Variants in LRRD1 observed in about 807,000 individuals in gnomAD.
The protein encoded by LRRD1 is leucine-rich repeat and death domain-containing protein 1.
LRRD1 carries 49 observed loss-of-function variants against 69.5 expected under a neutral mutation model. That is an observed-to-expected ratio of 0.70 (90% CI 0.56 to 0.89). The LOEUF (loss-of-function observed/expected upper bound fraction) is 0.89, where lower values mean the gene tolerates loss of function less well. Ranked by LOEUF, LRRD1 falls within the 40% of genes least tolerant of loss-of-function variation. LRRD1 has a pLI of 0.00. For synonymous variants in LRRD1, 303 were observed against 338.9 expected (o/e 0.89, Z 1.16); for missense variants, 853 against 956.0 (o/e 0.89, Z 1.42).
chr7:92,159,858 C>T (rs571351852), intron 2 of LRRD1, among the ~76,000 whole-genome samples: 7 of 152,114 alleles, frequency 4.6e-5, no homozygotes, highest in South Asian at 2.1e-4. Flanking sequence ...TGACATCAGG[C>T]GATCCTCCCA....
downstream of LRRD1, among the ~76,000 whole-genome samples, chr7:92,143,569 G>T (rs1364938226): frequency 1.3e-5 from 2 of 152,192 alleles, no homozygotes; most frequent in Non-Finnish European, 2.9e-5. Context: ...GCTGGCCCAG[G>T]TGCTAAGCCC....
rs186008405 is a variant in LRRD1, at chr7:92,169,973, G to C, written c.-74-4697C>G. 3.0e-3 allele frequency among the ~76,000 whole-genome samples: 449 copies of C among 152,144 alleles called. 4 individuals are homozygous for C. The highest frequency in any genetic ancestry group is 0.01 in the African/African-American group (427 of 41,482). ...TGGCCCCAGCCACTTGGAAGGCTGA[G>C]GTGGGAGAATCACTTGAGCCCAGGA... is the stretch of plus-strand genomic sequence containing the variant. On this transcript the variant is annotated intron_variant, in intron 1 of 5. Coordinates refer to ENST00000458448, the MANE Select transcript of LRRD1 (RefSeq NM_001161528.2).
At chr7:92,165,600 C>T (rs1475318961) in intron 1 of LRRD1, among the ~76,000 whole-genome samples, 4 of 152,084 alleles carry the variant, frequency 2.6e-5, no homozygotes, top group African/African-American at 9.7e-5. Context: ...GTGGCTCACA[C>T]CTGTAATCCC....
intron 3 of LRRD1, among the ~76,000 whole-genome samples, chr7:92,157,005 T>C (rs1000138814): frequency 6.6e-6 from 1 of 151,022 alleles, no homozygotes; most frequent in African/African-American, 2.4e-5. Context: ...TGAATGGAAA[T>C]TGTATTTTTT....
chr7:92,169,528 G>A (rs920886625), intron 1 of LRRD1, among the ~76,000 whole-genome samples: 10 of 151,838 alleles, frequency 6.6e-5, no homozygotes. Context: ...GTGGGTGCCT[G>A]TAATCCCAGC....
At position 92,151,751 on chromosome 7, in the gene LRRD1, C is replaced by A. The variant is rs573698222; in HGVS notation, c.2117-1056G>T. On this transcript the variant is annotated intron_variant, in intron 3 of 5. Transcript: ENST00000458448. ...ATCACCTGAGGTCAGGGGTTCAAGA[C>A]CAGCCTGGCCAACATGGCAAAACCC... Among the ~76,000 whole-genome samples, 9 of 152,140 alleles carry A rather than the reference C, an allele frequency of 5.9e-5. No individual in the cohort carries two copies. The East Asian group carries it at 1.5e-3, about 26-fold the overall frequency.
chr7:92,163,219 C>CA, intron 2 of LRRD1, 67 bp downstream of exon 2: 2 of 1,075,700 alleles, frequency 1.9e-6, no homozygotes, highest in Non-Finnish European at 2.5e-6. Flanking sequence ...ACAGATACAC[C>CA]ACAGCTTGGA....
At chr7:92,156,806 C>T (rs992533121) in intron 3 of LRRD1, among the ~76,000 whole-genome samples, 3 of 152,048 alleles carry the variant, frequency 2.0e-5, no homozygotes, top group Non-Finnish European at 4.4e-5. Context: ...CCAGTTATAA[C>T]GTCAAAAAGA....
chr7:92,155,968 T>C (rs1788650194), intron 3 of LRRD1, among the ~76,000 whole-genome samples: 1 of 152,214 alleles, frequency 6.6e-6, no homozygotes, highest in Admixed American at 6.5e-5. Flanking sequence ...GGCAGCTGAT[T>C]AGATTGTGCC....
At chr7:92,150,970 T>G (rs1490663162) in intron 3 of LRRD1, among the ~76,000 whole-genome samples, 1 of 152,250 alleles carries the variant, frequency 6.6e-6, no homozygotes, top group Non-Finnish European at 1.5e-5. Context: ...TGATGGTAAT[T>G]TTTAAACTAA....
At chr7:92,158,827 G>A (rs1454196060) in intron 3 of LRRD1, among the ~76,000 whole-genome samples, 178 bp downstream of exon 3, 1 of 152,144 alleles carries the variant, frequency 6.6e-6, no homozygotes, top group African/African-American at 2.4e-5. Flanking sequence ...TTCAAGGCAG[G>A]AACTGGACCT....
At chr7:92,143,130 T>C (rs891460017), downstream of LRRD1, among the ~76,000 whole-genome samples, 1 of 152,142 alleles carries the variant, frequency 6.6e-6, no homozygotes, top group African/African-American at 2.4e-5. Flanking sequence ...ATTAGCTAGA[T>C]ACAGAGTGTC....
At chr7:92,175,247 T>G (rs1197001927) in intron 1 of LRRD1, among the ~76,000 whole-genome samples, 5 of 152,228 alleles carry the variant, frequency 3.3e-5, no homozygotes, top group African/African-American at 1.2e-4. Flanking sequence ...TTCAATTTTA[T>G]GGTTTTTTGC....
intron 3 of LRRD1, among the ~76,000 whole-genome samples, chr7:92,157,392 C>T (rs1409846495): frequency 6.6e-6 from 1 of 151,836 alleles, no homozygotes; most frequent in African/African-American, 2.4e-5. Context: ...AATTTTGCAT[C>T]GATGTTCAAG....
rs1009093092 is a variant in LRRD1, at chr7:92,163,639, G to A, written c.1564C>T (p.Leu522Phe). The A allele has an allele frequency of 1.1e-5, 16 of 1,510,386 alleles. No homozygotes were observed. Among genetic ancestry groups the A allele is most frequent in the African/African-American group, 1.4e-5 (1 of 70,642 alleles). The allele number at this position is 1,510,386 out of a possible 1,614,324, so 93.6% of individuals were successfully genotyped here. ...LLHLELSENK[L>F]LIFSEHFCSL... is the part of the protein sequence containing the mutation. ...CAAAAGTGCTCAGAAAATATGAGGA[G>A]TTTGTTTTCACTCAATTCTAAATGA... Residue 522 changes from leucine to phenylalanine, a missense_variant, in exon 2 of 6, where the codon CTC (leucine) becomes TTC (phenylalanine). Leu to Phe is a conservative substitution (Grantham distance 22). Transcript: ENST00000458448.
chr7:92,161,754 A>T (rs1788800298), intron 2 of LRRD1, among the ~76,000 whole-genome samples: 1 of 152,214 alleles, frequency 6.6e-6, no homozygotes, highest in Non-Finnish European at 1.5e-5. Flanking sequence ...ACAGAAATGG[A>T]GAAGTTTTGA....
intron 2 of LRRD1, among the ~76,000 whole-genome samples, chr7:92,160,641 C>T (rs1446660935): frequency 2.0e-5 from 3 of 151,948 alleles, no homozygotes; most frequent in East Asian, 1.9e-4. Context: ...GGTGAAACCC[C>T]GTCTCTACTG....
At position 92,163,898 on chromosome 7, in the gene LRRD1, G is replaced by A. The variant is rs117809044; in HGVS notation, c.1305C>T (p.Asp435=). 44,155 of 1,534,080 alleles carry A rather than the reference G, an allele frequency of 0.029. 741 individuals are homozygous for A. The highest frequency in any genetic ancestry group is 0.033 in the Non-Finnish European group (37,684 of 1,139,914). ...VNRNNMVKIT[D]CISHLNNICS... is the part of the protein sequence containing the mutation. ...ATATGTTATTAAGATGTGAGATACA[G>A]TCAGTTATTTTTACCATATTATTTC... The change falls in exon 2 of 6, where the codon GAC becomes GAT. Residue 435 remains aspartate, a synonymous_variant. Transcript: ENST00000458448.
chr7:92,151,275 T>C (rs1453658154), intron 3 of LRRD1, among the ~76,000 whole-genome samples: 1 of 152,228 alleles, frequency 6.6e-6, no homozygotes, highest in East Asian at 1.9e-4. Context: ...TTCCTTGTTT[T>C]TCATGACCTT....
Sources: allele counts gnomAD v4.1 joint callset (sites outside exome capture counted in the v4.1 genomes callset), GRCh38; gene constraint gnomAD v4.1.1; transcripts MANE v1.5; gene names NCBI Gene and HGNC (gene_info 2026-07-23, HGNC 2026-07-21).